Variants in MAGI3 observed in about 807,000 individuals in gnomAD.
MAGI3 encodes the protein membrane-associated guanylate kinase, WW and PDZ domain-containing protein 3.
MAGI3 carries 43 observed loss-of-function variants against 121.8 expected under a neutral mutation model. The observed-to-expected ratio is 0.35, with a 90% CI of 0.28 to 0.46. The LOEUF is 0.46. Among genes scored for constraint, MAGI3 ranks in the 20% least tolerant of loss-of-function variants. MAGI3 has a pLI of 1.00. For synonymous variants in MAGI3, 553 were observed against 639.3 expected, an observed-to-expected ratio of 0.86 and a Z score of 2.04; for missense variants, 1,547 against 1,797.3, an observed-to-expected ratio of 0.86 and a Z score of 2.52.
At chr1:113,476,536 G>A (rs987527875) in intron 1 of MAGI3, among the ~76,000 whole-genome samples, 1 of 152,226 alleles carries the variant, frequency 6.6e-6, no homozygotes, top group Non-Finnish European at 1.5e-5. Flanking sequence ...GCAGTTTTGA[G>A]TGAGTTTCTT....
chr1:113,540,964 G>A (rs946362268), intron 1 of MAGI3, among the ~76,000 whole-genome samples: 5 of 152,164 alleles, frequency 3.3e-5, no homozygotes, highest in African/African-American at 4.8e-5. Flanking sequence ...TATATTTTTA[G>A]TTTGGTAGAG....
At chr1:113,450,408 G>T in intron 1 of MAGI3, 1 of 1,118,908 alleles carries the variant, frequency 8.9e-7, no homozygotes, top group Non-Finnish European at 1.4e-6. Flanking sequence ...TGGATTTGGA[G>T]GTGATGGTGG....
At chr1:113,495,090 T>C (rs1023165560) in intron 1 of MAGI3, among the ~76,000 whole-genome samples, 1 of 152,148 alleles carries the variant, frequency 6.6e-6, no homozygotes, top group Non-Finnish European at 1.5e-5. Flanking sequence ...TTTTAGACTA[T>C]GTTGTCGGCA....
chr1:113,516,713 C>G (rs141083549), intron 1 of MAGI3, among the ~76,000 whole-genome samples: 2 of 151,954 alleles, frequency 1.3e-5, no homozygotes, highest in South Asian at 4.1e-4. Context: ...GTATGAGCTA[C>G]CCATAGTGAC....
At chr1:113,396,989 G>C (rs1210262994) in intron 1 of MAGI3, among the ~76,000 whole-genome samples, 1 of 152,028 alleles carries the variant, frequency 6.6e-6, no homozygotes, top group Non-Finnish European at 1.5e-5. Flanking sequence ...AAAGGATTTG[G>C]GTTCTCAAGT....
At chr1:113,476,730 T>C (rs1655840227) in intron 1 of MAGI3, among the ~76,000 whole-genome samples, 1 of 152,232 alleles carries the variant, frequency 6.6e-6, no homozygotes, top group African/African-American at 2.4e-5. Context: ...TGTAGATGTC[T>C]ATTAGGTCTG....
intron 2 of MAGI3, among the ~76,000 whole-genome samples, chr1:113,559,575 TG>T (rs372322170): frequency 6.6e-6 from 1 of 151,944 alleles, no homozygotes; most frequent in Admixed American, 6.6e-5. Flanking sequence ...TCCTTTTTTT[TG>T]TTTTTTTTTG....
rs1409871638 is a variant in MAGI3, at chr1:113,683,534, T to C, written c.3966T>C (p.Ser1322=). The C allele has an allele frequency of 6.2e-7, 1 of 1,613,744 alleles. No individual in the cohort carries two copies. The highest frequency in any genetic ancestry group is 1.7e-5 in the Admixed American group (1 of 60,002). The part of the protein sequence containing the change: ...KSRRIAGYTG[S]NAEQIPDGKE... ...GAAGAATAGCAGGCTATACGGGCAGTAATGCTGAGCAGATCCCAGATGGGA... is the reference window on the plus strand; with the variant it reads ...GAAGAATAGCAGGCTATACGGGCAGCAATGCTGAGCAGATCCCAGATGGGA... Residue 1322 remains serine (S), a synonymous_variant, in exon 21 of 21, where the codon AGT becomes AGC. Transcript: ENST00000307546.
intron 6 of MAGI3, among the ~76,000 whole-genome samples, chr1:113,607,260 G>T (rs564819892): frequency 6.6e-6 from 1 of 152,224 alleles, no homozygotes; most frequent in South Asian, 2.1e-4. Context: ...ATTGGTAATG[G>T]CATTCTTACT....
chr1:113,570,544 C>T (rs1394984577), intron 2 of MAGI3, among the ~76,000 whole-genome samples: 1 of 152,196 alleles, frequency 6.6e-6, no homozygotes, highest in African/African-American at 2.4e-5. Flanking sequence ...CACATCCTCT[C>T]CAGCATCTGT....
At chr1:113,516,042 T>C (rs899821500) in intron 1 of MAGI3, among the ~76,000 whole-genome samples, 1 of 152,000 alleles carries the variant, frequency 6.6e-6, no homozygotes, top group African/African-American at 2.4e-5. Context: ...CTTGTGACAA[T>C]GAAAAATTGT....
chr1:113,535,534 T>G (rs568398739), intron 1 of MAGI3, among the ~76,000 whole-genome samples: 1 of 152,316 alleles, frequency 6.6e-6, no homozygotes, highest in South Asian at 2.1e-4. Flanking sequence ...TTATTAATGA[T>G]GTACTCATCA....
chr1:113,562,326 C>G (rs917855020), intron 2 of MAGI3, among the ~76,000 whole-genome samples: 1 of 152,280 alleles, frequency 6.6e-6, no homozygotes, highest in East Asian at 1.9e-4. Context: ...TGGCATGAAC[C>G]TGGGAGGTGG....
intron 1 of MAGI3, among the ~76,000 whole-genome samples, chr1:113,457,365 A>C (rs569696543): frequency 1.3e-5 from 2 of 152,296 alleles, no homozygotes; most frequent in South Asian, 2.1e-4. Context: ...ACAATTTCCC[A>C]TTTGACCCTT....
intron 1 of MAGI3, among the ~76,000 whole-genome samples, chr1:113,445,803 T>C (rs1654149141): frequency 6.6e-6 from 1 of 152,186 alleles, no homozygotes; most frequent in Non-Finnish European, 1.5e-5. Context: ...GGCAAAACTG[T>C]CCTACCAAAG....
intron 7 of MAGI3, among the ~76,000 whole-genome samples, chr1:113,616,321 C>T (rs1650460247): frequency 6.6e-6 from 1 of 152,204 alleles, no homozygotes; most frequent in African/African-American, 2.4e-5. Context: ...GCAGACTGTA[C>T]TCAAGATGCA....
chr1:113,665,392 A>G (rs1308742124), intron 16 of MAGI3, among the ~76,000 whole-genome samples: 1 of 151,452 alleles, frequency 6.6e-6, no homozygotes, highest in East Asian at 1.9e-4. Context: ...TTATTTTTTT[A>G]TCTGTAAGTT....
intron 14 of MAGI3, among the ~76,000 whole-genome samples, chr1:113,651,501 T>C (rs1292929500): frequency 6.6e-6 from 1 of 152,196 alleles, no homozygotes; most frequent in Non-Finnish European, 1.5e-5. Context: ...TTGTTTTGTT[T>C]TGTTGAGTTG....
At chr1:113,625,232 A>G (rs951106005) in intron 9 of MAGI3, among the ~76,000 whole-genome samples, 1 of 152,190 alleles carries the variant, frequency 6.6e-6, no homozygotes, top group Non-Finnish European at 1.5e-5. Flanking sequence ...TCTGTGAAGA[A>G]TGTCATTGGT....
Sources: allele counts gnomAD v4.1 joint callset (sites outside exome capture counted in the v4.1 genomes callset), GRCh38; gene constraint gnomAD v4.1.1; transcripts MANE v1.5; gene names NCBI Gene and HGNC (gene_info 2026-07-23, HGNC 2026-07-21).